PCDH9: variants seen among roughly 807,000 people sequenced by gnomAD.
PCDH9 encodes the protein protocadherin-9.
A neutral mutation model predicts 70.6 loss-of-function variants in PCDH9; 24 were observed. That is an observed-to-expected ratio of 0.34 (90% CI 0.25 to 0.48). The LOEUF is 0.48. Among genes scored for constraint, PCDH9 ranks in the 20% least tolerant of loss-of-function variants. PCDH9 has a pLI of 0.99. For missense variants in PCDH9, 1,281 were observed against 1,503.6 expected (o/e 0.85, Z 2.45); for synonymous variants, 562 against 558.5 (o/e 1.01, Z -0.09).
At chr13:66,912,790 A>C (rs2082490777) in intron 2 of PCDH9, among the ~76,000 whole-genome samples, 1 of 152,080 alleles carries the variant, frequency 6.6e-6, no homozygotes, top group Non-Finnish European at 1.5e-5. Flanking sequence ...GCATAAATGC[A>C]TCCTGGATTT....
At chr13:67,103,135 A>G (rs979885292) in intron 2 of PCDH9, among the ~76,000 whole-genome samples, 10 of 152,188 alleles carry the variant, frequency 6.6e-5, no homozygotes, top group African/African-American at 2.4e-4. Flanking sequence ...TTCAGAAAAT[A>G]TCACTATATA....
At chr13:66,638,083 C>T (rs960565679) in intron 3 of PCDH9, among the ~76,000 whole-genome samples, 1 of 152,132 alleles carries the variant, frequency 6.6e-6, no homozygotes, top group Non-Finnish European at 1.5e-5. Flanking sequence ...TTCATCTCTT[C>T]ACTTAAATAA....
intron 3 of PCDH9, among the ~76,000 whole-genome samples, chr13:66,861,606 GTAGTCAA>G (rs1297738943): frequency 3.3e-5 from 5 of 152,072 alleles, no homozygotes; most frequent in Non-Finnish European, 7.4e-5. Flanking sequence ...ATTTAATAAC[GTAGTCAA>G]TAAAGTCTGT....
Position 67,034,978 on chromosome 13 carries a change from G to A in PCDH9, c.3037-131373C>T, listed in dbSNP as rs2084981337. Among the ~76,000 whole-genome samples the A allele has an allele frequency of 2.0e-5, 3 of 151,862 alleles. No individual in the cohort carries two copies. In the South Asian group the frequency reaches 6.2e-4, roughly 32 times the overall value. On this transcript the variant is annotated intron_variant, in intron 2 of 4. Coordinates refer to ENST00000377865, the MANE Select transcript of PCDH9 (RefSeq NM_203487.3). ...ATGAATATCATGGTCCCAAAATATGGCAGTTGTTCAGAAATATGGTAGCAT... is the reference window on the plus strand; with the variant it reads ...ATGAATATCATGGTCCCAAAATATGACAGTTGTTCAGAAATATGGTAGCAT...
intron 2 of PCDH9, among the ~76,000 whole-genome samples, chr13:67,128,915 G>A (rs565429153): frequency 2.5e-3 from 381 of 152,218 alleles, no homozygotes; most frequent in Non-Finnish European, 3.8e-3. Context: ...GTCAGAAAGG[G>A]GATAGCAGTG....
chr13:67,144,144 T>C (rs1325534286), intron 2 of PCDH9, among the ~76,000 whole-genome samples: 1 of 152,182 alleles, frequency 6.6e-6, no homozygotes, highest in Non-Finnish European at 1.5e-5. Context: ...TTTAGAACTC[T>C]AGAACAGCAA....
chr13:67,216,375 T>C (rs1337815315), intron 2 of PCDH9: 2 of 152,034 alleles, frequency 1.3e-5, no homozygotes, highest in African/African-American at 4.8e-5. Flanking sequence ...TATGGTGTAA[T>C]ACAATTTTGA....
intron 3 of PCDH9, among the ~76,000 whole-genome samples, chr13:66,672,823 G>A (rs1049483041): frequency 2.6e-5 from 4 of 152,150 alleles, no homozygotes; most frequent in Admixed American, 2.6e-4. Flanking sequence ...GGGTCCTGTA[G>A]CCCCTTCATT....
intron 2 of PCDH9, among the ~76,000 whole-genome samples, chr13:67,114,267 A>C (rs182516684): frequency 6.6e-6 from 1 of 152,270 alleles, no homozygotes; most frequent in East Asian, 1.9e-4. Context: ...CCACAGATAA[A>C]GTGTATATCT....
intron 4 of PCDH9, among the ~76,000 whole-genome samples, chr13:66,368,535 C>T (rs1289777854): frequency 6.6e-6 from 1 of 151,694 alleles, no homozygotes; most frequent in East Asian, 1.9e-4. Flanking sequence ...TATGAATTTA[C>T]ATTCAATACA....
chr13:67,064,892 A>C (rs1173981735), intron 2 of PCDH9, among the ~76,000 whole-genome samples: 2 of 44,496 alleles, frequency 4.5e-5, no homozygotes, highest in African/African-American at 1.0e-4. Flanking sequence ...CTGTGTGGAA[A>C]TAGATAGATA....
chr13:66,869,840 C>A (rs1441481504), intron 3 of PCDH9, among the ~76,000 whole-genome samples: 1 of 152,018 alleles, frequency 6.6e-6, no homozygotes, highest in Non-Finnish European at 1.5e-5. Flanking sequence ...AGCTAAAAGA[C>A]TGGGATTAGA....
At chr13:66,783,781 C>T (rs9571669) in intron 3 of PCDH9, among the ~76,000 whole-genome samples, 6 of 151,890 alleles carry the variant, frequency 4.0e-5, no homozygotes, top group African/African-American at 1.2e-4. Flanking sequence ...AAACATTATA[C>T]GTCCTCTATT....
chr13:66,483,456 A>G (rs905829359), intron 4 of PCDH9, among the ~76,000 whole-genome samples: 1 of 152,220 alleles, frequency 6.6e-6, no homozygotes, highest in Admixed American at 6.5e-5. Flanking sequence ...GGAAGTTCCT[A>G]TTACATCACC....
chr13:66,388,095 T>C (rs889595432), intron 4 of PCDH9, among the ~76,000 whole-genome samples: 2 of 152,172 alleles, frequency 1.3e-5, no homozygotes, highest in Admixed American at 1.3e-4. Flanking sequence ...TTCTATCAGA[T>C]TGATTTCACT....
chr13:66,569,445 A>ACAAT (rs1471385885), intron 4 of PCDH9, among the ~76,000 whole-genome samples: 4 of 152,190 alleles, frequency 2.6e-5, no homozygotes, highest in Admixed American at 1.3e-4. Context: ...TATATTGTGT[A>ACAAT]CAATATATAC....
At chr13:67,114,073 T>C (rs949448974) in intron 2 of PCDH9, among the ~76,000 whole-genome samples, 1 of 152,320 alleles carries the variant, frequency 6.6e-6, no homozygotes, top group African/African-American at 2.4e-5. Flanking sequence ...GAGTTCAGTC[T>C]GTTTAAATCA....
chr13:66,902,613 A>G (rs923839207), intron 3 of PCDH9, among the ~76,000 whole-genome samples: 14 of 151,624 alleles, frequency 9.2e-5, no homozygotes, highest in African/African-American at 3.4e-4. Flanking sequence ...CTCTCTTTCT[A>G]CAGTCTATAT....
chr13:66,643,380 C>T (rs1390154638), intron 3 of PCDH9, among the ~76,000 whole-genome samples: 2 of 151,916 alleles, frequency 1.3e-5, no homozygotes, highest in East Asian at 1.9e-4. Flanking sequence ...TCTGAACAGT[C>T]GAAGTAGCTG....
Sources: gnomAD v4.1 joint callset for allele counts (sites outside exome capture counted in the v4.1 genomes callset) on GRCh38, gnomAD v4.1.1 for gene constraint, MANE v1.5 for transcripts, NCBI Gene and HGNC (gene_info 2026-07-23, HGNC 2026-07-21) for gene names.